ZNF674: variants seen among roughly 807,000 people sequenced by gnomAD.
ZNF674 encodes zinc finger family member 674.
A neutral mutation model predicts 7.0 loss-of-function variants in ZNF674; 2 were observed. The observed-to-expected ratio is 0.29, with a 90% CI of 0.12 to 0.90. The LOEUF is 0.90. ZNF674 is among the 40% of genes least tolerant of loss of function. ZNF674 has a pLI of 0.57. For synonymous variants in ZNF674, 103 were observed against 145.2 expected, an observed-to-expected ratio of 0.71 and a Z score of 2.09; for missense variants, 297 against 415.5, an observed-to-expected ratio of 0.71 and a Z score of 2.48.
intron 5 of ZNF674, among the ~76,000 whole-genome samples, chrX:46,510,409 T>C (rs942132356): frequency 4.5e-5 from 5 of 111,978 alleles, no homozygotes; most frequent in South Asian, 7.3e-4. Flanking sequence ...ACCACATTAA[T>C]AGATTAAAGG....
chrX:46,509,359 A>G (rs1177518129), intron 5 of ZNF674, among the ~76,000 whole-genome samples: 227 of 110,959 alleles, frequency 2.0e-3, no homozygotes, highest in Middle Eastern at 9.3e-3. Context: ...GAAACCTACA[A>G]AATGGGAGAA....
intron 3 of ZNF674, chrX:46,529,595 G>C (rs1236384789): frequency 9.1e-6 from 1 of 109,494 alleles, no homozygotes; most frequent in Non-Finnish European, 1.9e-5. Flanking sequence ...TTTGAACCCA[G>C]GAGGCGGAGG....
chrX:46,515,852 C>G (rs146402826), intron 5 of ZNF674, among the ~76,000 whole-genome samples: 67 of 110,624 alleles, frequency 6.1e-4, no homozygotes, highest in Admixed American at 1.2e-3. Context: ...TCAAGCAATC[C>G]CCCCCACCTC....
chrX:46,531,189 C>T (rs2146612162), intron 3 of ZNF674, among the ~76,000 whole-genome samples: 1 of 112,848 alleles, frequency 8.9e-6, no homozygotes, highest in African/African-American at 3.2e-5. Context: ...CCAGAGAGGG[C>T]ATGAAAGGTC....
At position 46,540,277 on chromosome X, in the gene ZNF674, C is replaced by T. The variant is rs910839250; in HGVS notation, c.15+1796G>A. Among the ~76,000 whole-genome samples the T allele has an allele frequency of 6.3e-5, 7 of 111,062 alleles. No homozygotes were observed. In the East Asian group the frequency reaches 1.7e-3, roughly 27 times the overall value. ...AAAAAGAAAGATTCATACATCCAGA[C>T]AGATAAGCATACATATTCTCTGAAA... On this transcript the variant is annotated intron_variant, in intron 3 of 5. Transcript: ENST00000683375.
intron 5 of ZNF674, among the ~76,000 whole-genome samples, chrX:46,518,779 G>A (rs1448047757): frequency 9.2e-6 from 1 of 109,058 alleles, no homozygotes; most frequent in Non-Finnish European, 1.9e-5. Flanking sequence ...CCAGCTACTC[G>A]GGAGGCTGAG....
In ZNF674 at chrX:46,508,747, G is replaced by A. The variant is rs1473470877; in HGVS notation, c.239-7412C>T. On this transcript the variant is annotated intron_variant, in intron 5 of 5. Coordinates refer to ENST00000683375, the MANE Select transcript of ZNF674 (RefSeq NM_001190417.2). ...AGCAATTGTGAATGGGAGTTCACTC[G>A]TGATTTGGTTCTCTGTTTGTCTGTT... Among the ~76,000 whole-genome samples the A allele has an allele frequency of 9.9e-5, 11 of 110,858 alleles. No individual in the cohort carries two copies. In the East Asian group the frequency reaches 2.8e-3, roughly 28 times the overall value.
chrX:46,504,663 G>C (rs1941496384), intron 5 of ZNF674, among the ~76,000 whole-genome samples: 1 of 109,424 alleles, frequency 9.1e-6, no homozygotes, highest in Non-Finnish European at 1.9e-5. Flanking sequence ...TAATTTGAGT[G>C]TAACAATCTG....
chrX:46,528,060 G>A, intron 5 of ZNF674: 1 of 412,529 alleles, frequency 2.4e-6, no homozygotes. Context: ...GGAATGAGAA[G>A]GGGCTTGGCA....
chrX:46,504,424 C>T (rs1451806504), intron 5 of ZNF674, among the ~76,000 whole-genome samples: 1 of 108,997 alleles, frequency 9.2e-6, no homozygotes, highest in Non-Finnish European at 1.9e-5. Flanking sequence ...CTCACTGCAA[C>T]CTCTGCCTCC....
intron 5 of ZNF674, among the ~76,000 whole-genome samples, chrX:46,526,911 C>A: frequency 9.0e-6 from 1 of 111,048 alleles, no homozygotes; most frequent in East Asian, 2.8e-4. Context: ...CTACAAAGCA[C>A]AGTTAAGAAA....
chrX:46,537,918 G>A (rs1224120994), intron 3 of ZNF674, among the ~76,000 whole-genome samples: 4 of 111,140 alleles, frequency 3.6e-5, no homozygotes, highest in African/African-American at 9.8e-5. Flanking sequence ...GTGAAACCCC[G>A]TCTCTACTAA....
At chrX:46,534,888 C>T (rs1677199675) in intron 3 of ZNF674, among the ~76,000 whole-genome samples, 1 of 108,750 alleles carries the variant, frequency 9.2e-6, no homozygotes, top group African/African-American at 3.4e-5. Flanking sequence ...CTACAGGCAC[C>T]CGCCACCATA....
chrX:46,506,892 G>A (rs1324034349), intron 5 of ZNF674, among the ~76,000 whole-genome samples: 1 of 111,670 alleles, frequency 9.0e-6, no homozygotes, highest in Non-Finnish European at 1.9e-5. Context: ...GATGGTAGCT[G>A]TACAAGAAGG....
Position 46,543,234 on chromosome X carries a change from A to G in ZNF674, c.-29-1118T>C, listed in dbSNP as rs1186360174. ...CTCCCAAAGTGCTGGGATTACAGGCATGAGCCACCGCGCCTGACCTCAAAC... is the reference window on the plus strand; with the variant it reads ...CTCCCAAAGTGCTGGGATTACAGGCGTGAGCCACCGCGCCTGACCTCAAAC... On this transcript the variant is annotated intron_variant, in intron 2 of 5. Coordinates refer to ENST00000683375, the MANE Select transcript of ZNF674 (RefSeq NM_001190417.2). Among the ~76,000 whole-genome samples the G allele has an allele frequency of 2.7e-5, 3 of 112,280 alleles. No homozygotes were observed. The Admixed American group carries it at 2.9e-4, about 11-fold the overall frequency.
In ZNF674 at chrX:46,500,817, C is replaced by T. The variant is rs900645110; in HGVS notation, c.757G>A (p.Ala253Thr). Residue 253 changes from alanine (A) to threonine (T), a missense_variant, in exon 6 of 6, where the codon GCA (alanine) becomes ACA (threonine). Transcript: ENST00000683375. The stretch of plus-strand genomic sequence containing the variant: ...GTTGACTTCTGGCTGAAGGCTTTTG[C>T]ACATTCGCAGCATTCATAAGGTTTC... ...GEKPYECCEC[A>T]KAFSQKSTLI... 8.4e-7 allele frequency: 1 copy of T among 1,194,120 alleles called. No individual in the cohort carries two copies. The highest frequency in any genetic ancestry group is 1.1e-6 in the Non-Finnish European group (1 of 885,338).
chrX:46,527,805 G>C (rs1305850185), intron 5 of ZNF674: 1 of 119,648 alleles, frequency 8.4e-6, no homozygotes, highest in African/African-American at 3.3e-5. Context: ...AACATGGTGG[G>C]TACCAGGCTG....
Position 46,497,976 on chromosome X carries a change from T to C in ZNF674, c.*1867A>G, listed in dbSNP as rs182514563. On this transcript the variant is annotated 3_prime_UTR_variant, in exon 6 of 6. Coordinates refer to ENST00000683375, the MANE Select transcript of ZNF674 (RefSeq NM_001190417.2). The stretch of plus-strand genomic sequence containing the variant: ...TTAAATAAATACAAATTTATACTTA[T>C]ATGTGCATATAACTTTACTCATCAC... 8.9e-6 allele frequency: 1 copy of C among 111,781 alleles called. No individual in the cohort carries two copies. The highest frequency in any genetic ancestry group is 2.8e-4 in the East Asian group (1 of 3,578). 9.2% of individuals were successfully genotyped at this position (111,781 alleles called of 1,213,427 possible).
At position 46,499,585 on chromosome X, in the gene ZNF674, C is replaced by T; in HGVS notation, c.*258G>A. 4.5e-6 allele frequency: 1 copy of T among 224,133 alleles called. No individual in the cohort carries two copies. The highest frequency in any genetic ancestry group is 8.0e-6 in the Non-Finnish European group (1 of 124,820). The allele number at this position is 224,133 out of a possible 1,213,427, so 18.5% of individuals were successfully genotyped here. A position where few individuals can be genotyped will look rare whatever the true frequency, so the allele number is the denominator to read the frequency against. ...CCACATAACTACATTCAGTTTTGCC[C>T]CTTTTGAATTATTTGACATACAGTT... On this transcript the variant is annotated 3_prime_UTR_variant, in exon 6 of 6. Transcript: ENST00000683375.
Sources: gnomAD v4.1 joint callset for allele counts (sites outside exome capture counted in the v4.1 genomes callset) on GRCh38, gnomAD v4.1.1 for gene constraint, MANE v1.5 for transcripts, NCBI Gene and HGNC (gene_info 2026-07-23, HGNC 2026-07-21) for gene names.